Variants in PHTF2 observed in about 807,000 individuals in gnomAD.
PHTF2 encodes the protein putative homeodomain transcription factor 2.
Under a neutral mutation model 101.2 loss-of-function variants are expected in PHTF2, and 60 were observed. The ratio of observed to expected loss-of-function variants is 0.59; its 90% CI spans 0.48 to 0.73. The LOEUF is 0.73. Ranked by LOEUF, PHTF2 falls within the 30% of genes least tolerant of loss-of-function variation. The pLI, the probability that PHTF2 is intolerant of heterozygous loss-of-function variation, is 0.00. For synonymous variants in PHTF2, 311 were observed against 307.3 expected, an observed-to-expected ratio of 1.01 and a Z score of -0.13; for missense variants, 747 against 908.7, an observed-to-expected ratio of 0.82 and a Z score of 2.29.
intron 1 of PHTF2, among the ~76,000 whole-genome samples, chr7:77,804,059 T>C (rs1792780310): frequency 2.0e-5 from 3 of 152,218 alleles, no homozygotes; most frequent in African/African-American, 7.2e-5. Context: ...TTGACTACTT[T>C]CTTACTTATT....
intron 16 of PHTF2, 151 bp from the exon 16 acceptor site, chr7:77,949,527 A>G: frequency 5.4e-6 from 3 of 551,800 alleles, no homozygotes; most frequent in South Asian, 2.4e-5. Context: ...CTTATACTCT[A>G]TACTTTTGAT....
chr7:77,841,075 CTTTTTTTT>C (rs57283892), intron 2 of PHTF2, among the ~76,000 whole-genome samples: 1 of 77,286 alleles, frequency 1.3e-5, no homozygotes, highest in Non-Finnish European at 2.3e-5. Flanking sequence ...AAAAAACAGA[CTTTTTTTT>C]TTTTTTTTTT....
intron 12 of PHTF2, among the ~76,000 whole-genome samples, chr7:77,934,288 A>T (rs1459134538): frequency 6.6e-6 from 1 of 152,194 alleles, no homozygotes; most frequent in Non-Finnish European, 1.5e-5. Flanking sequence ...TTGTTTGTAA[A>T]TAGTAATTGA....
At chr7:77,906,179 G>A (rs60981836) in intron 7 of PHTF2, 19,161 of 152,116 alleles carry the variant, frequency 0.13, 2,403 homozygotes, top group East Asian at 0.67. Flanking sequence ...GCAGAGATGG[G>A]GTTTCTCCAT....
intron 1 of PHTF2, among the ~76,000 whole-genome samples, chr7:77,836,974 C>CAAAAAAA (rs60178398): frequency 1.1e-5 from 1 of 89,622 alleles, no homozygotes. Context: ...ATAAAAAAAG[C>CAAAAAAA]AAAAAAAAAA....
chr7:77,907,051 T>C (rs1801932422), intron 7 of PHTF2, among the ~76,000 whole-genome samples: 1 of 152,042 alleles, frequency 6.6e-6, no homozygotes, highest in Middle Eastern at 3.2e-3. Flanking sequence ...TTATAGTGCC[T>C]ATGTACTGTA....
chr7:77,929,204 G>A, exon 12 of PHTF2: 8 of 1,613,384 alleles, frequency 5.0e-6, no homozygotes, highest in Non-Finnish European at 6.8e-6. Context: ...CAGAAGATGT[G>A]TTATGGGAAG....
At chr7:77,873,456 C>G (rs759144832) in intron 3 of PHTF2, among the ~76,000 whole-genome samples, 1 of 152,104 alleles carries the variant, frequency 6.6e-6, no homozygotes, top group African/African-American at 2.4e-5. Context: ...CACTATCAAC[C>G]CCCCCATCTC....
chr7:77,903,591 T>C (rs1801588630), intron 7 of PHTF2, among the ~76,000 whole-genome samples: 3 of 152,206 alleles, frequency 2.0e-5, no homozygotes, highest in Non-Finnish European at 4.4e-5. Context: ...ACGGGTTAGA[T>C]TGGGCATTAA....
At chr7:77,840,630 A>G (rs1432826632) in intron 2 of PHTF2, among the ~76,000 whole-genome samples, 1 of 152,118 alleles carries the variant, frequency 6.6e-6, no homozygotes, top group African/African-American at 2.4e-5. Flanking sequence ...TACATAACTT[A>G]TATCAATAGT....
At chr7:77,930,361 A>T (rs780899942) in intron 12 of PHTF2, among the ~76,000 whole-genome samples, 1 of 152,110 alleles carries the variant, frequency 6.6e-6, no homozygotes, top group Non-Finnish European at 1.5e-5. Context: ...CAATACCTCA[A>T]ATTTAACCAG....
chr7:77,818,425 T>C (rs879346786), intron 1 of PHTF2, among the ~76,000 whole-genome samples: 6 of 152,244 alleles, frequency 3.9e-5, no homozygotes, highest in Non-Finnish European at 7.3e-5. Context: ...ATTTTGGGGT[T>C]GATTTTTGTA....
chr7:77,849,763 G>A (rs1268802132), intron 2 of PHTF2, among the ~76,000 whole-genome samples: 1 of 152,112 alleles, frequency 6.6e-6, no homozygotes, highest in Non-Finnish European at 1.5e-5. Flanking sequence ...TATTTTATCT[G>A]CAGCTATTGT....
chr7:77,841,355 C>T (rs1795872060), intron 2 of PHTF2, among the ~76,000 whole-genome samples: 1 of 152,114 alleles, frequency 6.6e-6, no homozygotes, highest in African/African-American at 2.4e-5. Context: ...GCTAGGATTA[C>T]AGGCTTGAGC....
intron 3 of PHTF2, among the ~76,000 whole-genome samples, chr7:77,892,276 C>T (rs1265372397): frequency 1.3e-5 from 2 of 152,006 alleles, no homozygotes; most frequent in East Asian, 1.9e-4. Flanking sequence ...GGCAACAGAG[C>T]GAGACTCTAT....
At chr7:77,944,898 C>T (rs1805920609) in intron 16 of PHTF2, among the ~76,000 whole-genome samples, 1 of 152,110 alleles carries the variant, frequency 6.6e-6, no homozygotes, top group African/African-American at 2.4e-5. Context: ...ACACAATGAA[C>T]AGAATAAATA....
At chr7:77,894,018 C>A in intron 5 of PHTF2, 25 bp downstream of exon 4, 2 of 1,538,356 alleles carry the variant, frequency 1.3e-6, no homozygotes, top group Non-Finnish European at 1.8e-6. Flanking sequence ...ATTTTTCCCG[C>A]CTGAGTGATC....
intron 17 of PHTF2, among the ~76,000 whole-genome samples, chr7:77,950,525 G>T (rs1806447214): frequency 6.6e-6 from 1 of 152,156 alleles, no homozygotes; most frequent in African/African-American, 2.4e-5. Context: ...GCCAGGTATG[G>T]TGGTGCGTGC....
chr7:77,853,683 C>A (rs1452653310), intron 2 of PHTF2, among the ~76,000 whole-genome samples: 1 of 151,958 alleles, frequency 6.6e-6, no homozygotes, highest in Non-Finnish European at 1.5e-5. Flanking sequence ...TATGAGCCAC[C>A]GTGCCTGGCC....
Sources: gnomAD v4.1 joint callset for allele counts (sites outside exome capture counted in the v4.1 genomes callset) on GRCh38, gnomAD v4.1.1 for gene constraint, MANE v1.5 for transcripts, NCBI Gene and HGNC (gene_info 2026-07-23, HGNC 2026-07-21) for gene names.